ZNF623: variants seen among roughly 807,000 people sequenced by gnomAD.
ZNF623 encodes the protein zinc finger protein 623.
Under a neutral mutation model 24.0 loss-of-function variants are expected in ZNF623, and 16 were observed. The observed-to-expected ratio is 0.67, with a 90% CI of 0.45 to 1.01. The LOEUF (loss-of-function observed/expected upper bound fraction) is 1.01, where lower values mean the gene tolerates loss of function less well. Among genes scored for constraint, ZNF623 ranks in the 50% least tolerant of loss-of-function variants. The pLI is 0.00. For missense variants in ZNF623, 566 were observed against 606.5 expected (o/e 0.93, Z 0.70); for synonymous variants, 224 against 219.8 (o/e 1.02, Z -0.17).
At chr8:143,642,452 T>C (rs1020215664) in intron 1 of ZNF623, among the ~76,000 whole-genome samples, 6 of 152,198 alleles carry the variant, frequency 3.9e-5, no homozygotes, top group Non-Finnish European at 2.9e-5. Context: ...GTCATTTGTG[T>C]GTTCACTGGA....
At chr8:143,638,306 A>T (rs1254723034) in intron 1 of ZNF623, among the ~76,000 whole-genome samples, 1 of 146,280 alleles carries the variant, frequency 6.8e-6, no homozygotes, top group Non-Finnish European at 1.5e-5. Context: ...ATGCCATTGC[A>T]CTCCAGCCTG....
chr8:143,649,339 A>G (rs1815242280), intron 1 of ZNF623, among the ~76,000 whole-genome samples: 1 of 151,794 alleles, frequency 6.6e-6, no homozygotes, highest in Non-Finnish European at 1.5e-5. Context: ...ATCAAAACAC[A>G]ACCTCGTTTT....
chr8:143,637,591 C>G (rs532317839), intron 1 of ZNF623, among the ~76,000 whole-genome samples: 5 of 152,102 alleles, frequency 3.3e-5, no homozygotes, highest in African/African-American at 1.2e-4. Context: ...GCTCTGTCGC[C>G]CAGGCTGGAG....
Position 143,652,433 on chromosome 8 carries a change from A to G in ZNF623, c.*950A>G, listed in dbSNP as rs1815351364. 1 of 166,686 alleles carries G rather than the reference A, an allele frequency of 6.0e-6. No individual in the cohort carries two copies. Among genetic ancestry groups the G allele is most frequent in the Admixed American group, 6.6e-5 (1 of 15,250 alleles). The allele number at this position is 166,686 out of a possible 1,614,324, so 10.3% of individuals were successfully genotyped here. A position where few individuals can be genotyped will look rare whatever the true frequency, so the allele number is the denominator to read the frequency against. ...TCCTTTCTATACTGCCATTCTAAAAATTTTCAGCTGTTGGCTGTTTTTTTT... is the reference window on the plus strand; with the variant it reads ...TCCTTTCTATACTGCCATTCTAAAAGTTTTCAGCTGTTGGCTGTTTTTTTT... On this transcript the variant is annotated 3_prime_UTR_variant, in exon 2 of 2. Transcript: ENST00000526926.
At chr8:143,645,303 A>T (rs567001180) in intron 1 of ZNF623, among the ~76,000 whole-genome samples, 1 of 151,944 alleles carries the variant, frequency 6.6e-6, no homozygotes, top group Admixed American at 6.6e-5. Context: ...TTGGCCAGGC[A>T]TGGTGGCGGG....
intron 1 of ZNF623, among the ~76,000 whole-genome samples, chr8:143,637,589 G>T (rs971652464): frequency 6.6e-6 from 1 of 151,932 alleles, no homozygotes; most frequent in African/African-American, 2.4e-5. Context: ...TTGCTCTGTC[G>T]CCCAGGCTGG....
intron 1 of ZNF623, among the ~76,000 whole-genome samples, chr8:143,636,645 A>G (rs1814930907): frequency 6.6e-6 from 1 of 152,094 alleles, no homozygotes; most frequent in Non-Finnish European, 1.5e-5. Context: ...GAGGAGATGC[A>G]GCGCCAGCAT....
chr8:143,647,157 TTTTTG>T (rs1815194925), intron 1 of ZNF623, among the ~76,000 whole-genome samples: 2 of 151,378 alleles, frequency 1.3e-5, no homozygotes, highest in African/African-American at 4.9e-5. Context: ...GTTTTTTTTT[TTTTTG>T]TTTTGTTTCG....
intron 1 of ZNF623, among the ~76,000 whole-genome samples, chr8:143,637,379 G>C (rs142354397): frequency 6.6e-6 from 1 of 152,146 alleles, no homozygotes; most frequent in Non-Finnish European, 1.5e-5. Flanking sequence ...GCAACACACA[G>C]TGACTCTGGC....
rs1815372988 is a variant in ZNF623 at position 143,652,941 on chromosome 8, A to G, written c.*1458A>G. 6.0e-6 allele frequency: 1 copy of G among 167,136 alleles called. No individual in the cohort carries two copies. Among genetic ancestry groups the G allele is most frequent in the Non-Finnish European group, 1.5e-5 (1 of 68,158 alleles). 10.4% of individuals were successfully genotyped at this position (167,136 alleles called of 1,614,324 possible). On this transcript the variant is annotated 3_prime_UTR_variant, in exon 2 of 2. Transcript: ENST00000526926. The stretch of plus-strand genomic sequence containing the variant: ...GTGTAGTGGGGAAGACGGAGATCAC[A>G]GTAGGGTGAGTTAAGTATGTGCCCT...
At chr8:143,638,353 AAAACTTTCTCAAAAGTT>A (rs1257830204) in intron 1 of ZNF623, among the ~76,000 whole-genome samples, 3 of 150,006 alleles carry the variant, frequency 2.0e-5, no homozygotes, top group African/African-American at 7.3e-5. Flanking sequence ...AAAAAAAAAA[AAAACTTTCTCAAAAGTT>A]AAAAAAATTA....
At chr8:143,636,232 A>G (rs1205870648) in intron 1 of ZNF623, 87 bp downstream of exon 1, 5 of 152,026 alleles carry the variant, frequency 3.3e-5, no homozygotes, top group Non-Finnish European at 7.4e-5. Flanking sequence ...GCCAGGGCAC[A>G]GTCCGCCGAG....
chr8:143,642,280 C>G (rs34783980), intron 1 of ZNF623, among the ~76,000 whole-genome samples: 8,036 of 152,252 alleles, frequency 0.053, 265 homozygotes, highest in South Asian at 0.083. Context: ...CGCAGCTTCC[C>G]TCACCCGTCT....
At position 143,650,608 on chromosome 8, in the gene ZNF623, C is replaced by T; in HGVS notation, c.616C>T (p.Gln206Ter). ...ECKECGKGFS[Q>*]SSLLIRHQRI... Reference sequence around the variant, plus strand: ...CAAAGAGTGTGGGAAAGGCTTCAGTCAGAGCTCCTTACTTATTCGCCATCA... The same window carrying T: ...CAAAGAGTGTGGGAAAGGCTTCAGTTAGAGCTCCTTACTTATTCGCCATCA... Residue 206 changes from glutamine to a stop codon, truncating the protein, a stop_gained, in exon 2 of 2, where the codon CAG becomes TAG. Coordinates refer to ENST00000526926, the MANE Select transcript of ZNF623 (RefSeq NM_001261843.2). LOFTEE classifies it high-confidence loss of function. This position sits in a 1 kb window ranked among gnomAD's most constrained non-coding sequence, Gnocchi z 5.2. The T allele has an allele frequency of 6.2e-7, 1 of 1,614,134 alleles. No individual in the cohort carries two copies. Among genetic ancestry groups the T allele is most frequent in the Non-Finnish European group, 8.5e-7 (1 of 1,180,038 alleles).
intron 1 of ZNF623, among the ~76,000 whole-genome samples, chr8:143,646,901 A>G (rs1815187802): frequency 6.6e-6 from 1 of 152,162 alleles, no homozygotes; most frequent in Non-Finnish European, 1.5e-5. Flanking sequence ...CCTGGTCTCA[A>G]GTGACCCTCC....
chr8:143,650,012 A>C lies in ZNF623; in HGVS notation c.20A>C (p.Glu7Ala), dbSNP rs1460908293. Residue 7 changes from glutamate to alanine, a missense_variant, in exon 2 of 2, where the codon GAG becomes GCG. Around this residue, in one of 3 missense-constraint regions of ZNF623, gnomAD observed 313 missense variants for 300.4 expected, o/e 1.04. Transcript: ENST00000526926. This position sits in a 1 kb window ranked among gnomAD's most constrained non-coding sequence, Gnocchi z 5.2. MELPSP[E>A]SEEVHEPRLG... ...ACGGTGATGGAGCTCCCCTCTCCCG[A>C]GTCTGAGGAAGTCCACGAGCCCAGA... The C allele has an allele frequency of 9.3e-6, 15 of 1,614,154 alleles. No individual in the cohort carries two copies. The highest frequency in any genetic ancestry group is 1.3e-5 in the Non-Finnish European group (15 of 1,180,018).
chr8:143,648,596 G>A (rs1024937460), intron 1 of ZNF623, among the ~76,000 whole-genome samples: 3 of 152,018 alleles, frequency 2.0e-5, no homozygotes, highest in Non-Finnish European at 4.4e-5. Context: ...GGGGAGTGGT[G>A]GGCTTGGAGG....
chr8:143,649,465 A>C (rs1264985568), intron 1 of ZNF623, among the ~76,000 whole-genome samples: 1 of 152,074 alleles, frequency 6.6e-6, no homozygotes, highest in Non-Finnish European at 1.5e-5. Flanking sequence ...AGTGCCCCAG[A>C]TCATGGGCTC....
chr8:143,646,786 T>C (rs1303209854), intron 1 of ZNF623, among the ~76,000 whole-genome samples: 1 of 152,080 alleles, frequency 6.6e-6, no homozygotes, highest in East Asian at 1.9e-4. Context: ...TGCCTCAGTC[T>C]CCCATGTAGT....
Sources: gnomAD v4.1 joint callset for allele counts (sites outside exome capture counted in the v4.1 genomes callset) on GRCh38, gnomAD v4.1.1 for gene constraint, gnomAD v4.1.1 regional missense constraint, Gnocchi (gnomAD v3.1) non-coding constraint, MANE v1.5 for transcripts, NCBI Gene and HGNC (gene_info 2026-07-23, HGNC 2026-07-21) for gene names.